Variants in TRIM72 observed in about 807,000 individuals in gnomAD.
The protein encoded by TRIM72 is tripartite motif containing 72.
Under a neutral mutation model 31.6 loss-of-function variants are expected in TRIM72, and 33 were observed. The observed-to-expected ratio is 1.04, with a 90% CI of 0.79 to 1.40. The LOEUF (loss-of-function observed/expected upper bound fraction) is 1.40. Ranked by LOEUF, TRIM72 falls within the 40% of genes most tolerant of loss-of-function variation. The probability of loss-of-function intolerance (pLI) is 0.00; values close to 1 mark genes in which losing one functional copy is unlikely to be tolerated. For missense variants in TRIM72, 666 were observed against 682.7 expected (o/e 0.98, Z 0.27); for synonymous variants, 301 against 314.4 (o/e 0.96, Z 0.45).
chr16:31,215,492 A>C lies in TRIM72; in HGVS notation c.390+364A>C, dbSNP rs374311179. Among the ~76,000 whole-genome samples, 117 of 152,302 alleles carry C rather than the reference A, an allele frequency of 7.7e-4. 1 individual carries two copies. Among genetic ancestry groups the C allele is most frequent in the African/African-American group, 2.5e-3 (106 of 41,578 alleles). ...ACCAGCCCCTGCGGCCCACGCTCGC[A>C]TTCCTGCACCCGGTGGGCCGTTCGG... On this transcript the variant is annotated intron_variant, in intron 2 of 6. Transcript: ENST00000322122. This position sits in a 1 kb window ranked among gnomAD's most constrained non-coding sequence, Gnocchi z 6.3.
chr16:31,224,059 C>G (rs2079544690), intron 6 of TRIM72, 122 bp from the exon 7 acceptor site: 2 of 1,185,118 alleles, frequency 1.7e-6, no homozygotes, highest in Admixed American at 2.5e-5. Context: ...ATCTTGTGGC[C>G]CAAGCCCAGT....
chr16:31,221,363 CTGGGAGAAGGGCATTA>C, intron 5 of TRIM72, among the ~76,000 whole-genome samples: 1 of 138,940 alleles, frequency 7.2e-6, no homozygotes, highest in East Asian at 2.2e-4. Flanking sequence ...AAGGGCATTG[CTGGGAGAAGGGCATTA>C]TGGGGAGAAG....
In TRIM72 at chr16:31,224,377, C is replaced by T. The variant is rs780447371; in HGVS notation, c.1056C>T (p.Gly352=). ...AGCACTACTGGGAGGTGGATGTTGGCGACAAGCCGCGCTGGGCGCTGGGCG... is the reference window on the plus strand; with the variant it reads ...AGCACTACTGGGAGGTGGATGTTGGTGACAAGCCGCGCTGGGCGCTGGGCG... ...EGEHYWEVDV[G]DKPRWALGVI... Residue 352 remains glycine, a synonymous_variant, in exon 7 of 7, where the codon GGC becomes GGT. Coordinates refer to ENST00000322122, the MANE Select transcript of TRIM72 (RefSeq NM_001008274.4). 1.3e-6 allele frequency: 2 copies of T among 1,492,946 alleles called. No homozygotes were observed. Among genetic ancestry groups the T allele is most frequent in the Non-Finnish European group, 1.8e-6 (2 of 1,130,496 alleles). The allele number at this position is 1,492,946 out of a possible 1,614,324, so 92.5% of individuals were successfully genotyped here.
rs2079546973 is a variant in TRIM72, at chr16:31,224,431, G to A, written c.1110G>A (p.Gly370=). 2 of 1,423,362 alleles carry A rather than the reference G, an allele frequency of 1.4e-6. No individual in the cohort carries two copies. Among genetic ancestry groups the A allele is most frequent in the Non-Finnish European group, 9.1e-7 (1 of 1,101,260 alleles). 88.2% of individuals were successfully genotyped at this position (1,423,362 alleles called of 1,614,324 possible). Residue 370 remains glycine, a synonymous_variant, in exon 7 of 7, where the codon GGG becomes GGA. Coordinates refer to ENST00000322122, the MANE Select transcript of TRIM72 (RefSeq NM_001008274.4). Reference sequence around the variant, plus strand: ...TCGCGGCCGAGGCCCCCCGCCGCGGGCGCCTGCACGCGGTGCCCTCGCAGG... The same window carrying A: ...TCGCGGCCGAGGCCCCCCGCCGCGGACGCCTGCACGCGGTGCCCTCGCAGG... ...GVIAAEAPRR[G]RLHAVPSQGL...
chr16:31,216,477 C>A lies in TRIM72; in HGVS notation c.390+1349C>A. On this transcript the variant is annotated intron_variant, in intron 2 of 6. Transcript: ENST00000322122. This position sits in a 1 kb window ranked among gnomAD's most constrained non-coding sequence, Gnocchi z 6.7. ...AAAAACCCAACCTCGCCCAACCTTG[C>A]CCGTCTTTATCTGCGAAGAAAGCAC... 1 of 406,844 alleles carries A rather than the reference C, an allele frequency of 2.5e-6. No homozygotes were observed. 25.2% of individuals were successfully genotyped at this position (406,844 alleles called of 1,614,324 possible).
rs2079556784 is a variant in TRIM72, at chr16:31,226,911, GA to G, written c.*2157del. ...CAGCCCATTGCGGAGGTTTTCTCGG[GA>G]GATGGTGGGTATGGGACTAAGGGTG... On this transcript the variant is annotated 3_prime_UTR_variant, in exon 7 of 7. Coordinates refer to ENST00000322122, the MANE Select transcript of TRIM72 (RefSeq NM_001008274.4). The G allele has an allele frequency of 3.9e-5, 6 of 152,370 alleles. No homozygotes were observed. Among genetic ancestry groups the G allele is most frequent in the Admixed American group, 3.9e-4 (6 of 15,276 alleles). The allele number at this position is 152,370 out of a possible 1,614,324, so 9.4% of individuals were successfully genotyped here. A position where few individuals can be genotyped will look rare whatever the true frequency, so the allele number is the denominator to read the frequency against.
rs1349441134 is a variant in TRIM72, at chr16:31,224,783, G to A, written c.*28G>A. 1 of 1,434,646 alleles carries A rather than the reference G, an allele frequency of 7.0e-7. No individual in the cohort carries two copies. 88.9% of individuals were successfully genotyped at this position (1,434,646 alleles called of 1,614,324 possible). A position where few individuals can be genotyped will look rare whatever the true frequency, so the allele number is the denominator to read the frequency against. On this transcript the variant is annotated 3_prime_UTR_variant, in exon 7 of 7. Coordinates refer to ENST00000322122, the MANE Select transcript of TRIM72 (RefSeq NM_001008274.4). ...CGCCGGACGGGTAGTGGAGGGGCGC[G>A]GGGGCCTGGGTTGAAGCTTAGGTCT...
Position 31,224,381 on chromosome 16 carries a change from A to G in TRIM72, c.1060A>G (p.Lys354Glu). The G allele has an allele frequency of 1.3e-6, 2 of 1,491,628 alleles. No homozygotes were observed. The highest frequency in any genetic ancestry group is 1.8e-6 in the Non-Finnish European group (2 of 1,129,954). 92.4% of individuals were successfully genotyped at this position (1,491,628 alleles called of 1,614,324 possible). A position where few individuals can be genotyped will look rare whatever the true frequency, so the allele number is the denominator to read the frequency against. Residue 354 changes from lysine to glutamate, a missense_variant, in exon 7 of 7, where the codon AAG becomes GAG. Lys to Glu is a moderately conservative substitution (Grantham distance 56, BLOSUM62 1). Coordinates refer to ENST00000322122, the MANE Select transcript of TRIM72 (RefSeq NM_001008274.4). ...EHYWEVDVGD[K>E]PRWALGVIAA... is the part of the protein sequence containing the mutation. ...CTACTGGGAGGTGGATGTTGGCGACAAGCCGCGCTGGGCGCTGGGCGTGAT... is the reference window on the plus strand; with the variant it reads ...CTACTGGGAGGTGGATGTTGGCGACGAGCCGCGCTGGGCGCTGGGCGTGAT...
rs958791410 is a variant in TRIM72, at chr16:31,215,181, C to G, written c.390+53C>G. 9.2e-6 allele frequency: 13 copies of G among 1,408,634 alleles called. No homozygotes were observed. The highest frequency in any genetic ancestry group is 1.2e-5 in the Non-Finnish European group (13 of 1,089,020). 87.3% of individuals were successfully genotyped at this position (1,408,634 alleles called of 1,614,324 possible). On this transcript the variant is annotated intron_variant, in intron 2 of 6. Coordinates refer to ENST00000322122, the MANE Select transcript of TRIM72 (RefSeq NM_001008274.4). The surrounding 1 kb of genome is among the most constrained non-coding windows in gnomAD (Gnocchi z 6.3). The stretch of plus-strand genomic sequence containing the variant: ...GAGGGGCTGTTCGGTGGCACGGGGC[C>G]GATGGGGAGGTCGCTGCAGTGATTT...
chr16:31,224,700 AG>A lies in TRIM72; in HGVS notation c.1382del (p.Gly461AlafsTer23). 1 of 1,538,304 alleles carries A rather than the reference AG, an allele frequency of 6.5e-7. No individual in the cohort carries two copies. Among genetic ancestry groups the A allele is most frequent in the Non-Finnish European group, 8.7e-7 (1 of 1,149,034 alleles). ...YPFFDVCWHD[K>X]GKNAQPLLLV... is the part of the protein sequence containing the mutation. ...TTCTTCGACGTGTGCTGGCACGACA[AG>A]GGCAAGAATGCCCAGCCGCTGCTGC... is the stretch of plus-strand genomic sequence containing the variant. On this transcript the variant is annotated frameshift_variant, in exon 7 of 7. Coordinates refer to ENST00000322122, the MANE Select transcript of TRIM72 (RefSeq NM_001008274.4). LOFTEE classifies it high-confidence loss of function.
chr16:31,217,117 A>T (rs2079513941), intron 2 of TRIM72: 15 of 1,385,922 alleles, frequency 1.1e-5, no homozygotes, highest in Non-Finnish European at 1.4e-5. Flanking sequence ...GCCCCCGGGG[A>T]TGTCCCGGGA....
chr16:31,215,226 A>T lies in TRIM72; in HGVS notation c.390+98A>T. On this transcript the variant is annotated intron_variant, in intron 2 of 6. Transcript: ENST00000322122. This position sits in a 1 kb window ranked among gnomAD's most constrained non-coding sequence, Gnocchi z 6.3. ...TGATTTGGATTCTGAGTCTCTAGAG[A>T]GGCTCACGAGCTCCTGGAGTTGCGG... The T allele has an allele frequency of 4.2e-6, 5 of 1,204,466 alleles. No homozygotes were observed. Among genetic ancestry groups the T allele is most frequent in the Admixed American group, 3.7e-5 (1 of 27,058 alleles). The allele number at this position is 1,204,466 out of a possible 1,614,324, so 74.6% of individuals were successfully genotyped here.
In TRIM72 at chr16:31,215,235, A is replaced by T; in HGVS notation, c.390+107A>T. On this transcript the variant is annotated intron_variant, in intron 2 of 6. Coordinates refer to ENST00000322122, the MANE Select transcript of TRIM72 (RefSeq NM_001008274.4). This position sits in a 1 kb window ranked among gnomAD's most constrained non-coding sequence, Gnocchi z 6.3. ...TTCTGAGTCTCTAGAGAGGCTCACG[A>T]GCTCCTGGAGTTGCGGGGGGCGGGG... The T allele has an allele frequency of 1.2e-5, 13 of 1,046,390 alleles. No homozygotes were observed. The highest frequency in any genetic ancestry group is 1.6e-5 in the Non-Finnish European group (13 of 798,124). The allele number at this position is 1,046,390 out of a possible 1,614,324, so 64.8% of individuals were successfully genotyped here.
Position 31,222,392 on chromosome 16 carries a change from C to CAA in TRIM72, c.741-420_741-419dup, listed in dbSNP as rs374169631. 3.2e-4 allele frequency among the ~76,000 whole-genome samples: 19 copies of CAA among 58,536 alleles called. No individual in the cohort carries two copies. In the East Asian group the frequency reaches 8.5e-3, roughly 26 times the overall value. 38.4% of individuals were successfully genotyped at this position (58,536 alleles called of 152,430 possible). On this transcript the variant is annotated intron_variant, in intron 5 of 6. Coordinates refer to ENST00000322122, the MANE Select transcript of TRIM72 (RefSeq NM_001008274.4). The stretch of plus-strand genomic sequence containing the variant: ...TGGGTGATAGAGCCAGACTCAATCT[C>CAA]AAAAAAAAAAAAAAAAGACCAAAAC...
chr16:31,220,456 G>GTTTTTTTTTTTTTTTTT (rs71151452), intron 4 of TRIM72, among the ~76,000 whole-genome samples: 2 of 29,560 alleles, frequency 6.8e-5, no homozygotes, highest in African/African-American at 1.5e-4. Context: ...TCTCTTTTGC[G>GTTTTTTTTTTTTTTTTT]TTTTTTTTTT....
chr16:31,228,294 C>T lies in TRIM72; in HGVS notation c.*3539C>T, dbSNP rs979223598. The T allele has an allele frequency of 6.6e-6, 1 of 152,230 alleles. No homozygotes were observed. The highest frequency in any genetic ancestry group is 2.4e-5 in the African/African-American group (1 of 41,442). 9.4% of individuals were successfully genotyped at this position (152,230 alleles called of 1,614,324 possible). On this transcript the variant is annotated 3_prime_UTR_variant, in exon 7 of 7. Transcript: ENST00000322122. ...AAAAGTTCTCTGTTTTAATATCTAA[C>T]AGGGCAAATATTGAAAGATAAAACC...
At position 31,219,066 on chromosome 16, in the gene TRIM72, C is replaced by A; in HGVS notation, c.391-29C>A. ...TGTGGGTTTTGGGTGGGTGGCATCC[C>A]CATCACTTCTCCATGCCTCGACCCC... On this transcript the variant is annotated intron_variant, in intron 2 of 6. Transcript: ENST00000322122. This position sits in a 1 kb window ranked among gnomAD's most constrained non-coding sequence, Gnocchi z 4.2. 1 of 1,549,140 alleles carries A rather than the reference C, an allele frequency of 6.5e-7. No homozygotes were observed. The highest frequency in any genetic ancestry group is 1.2e-5 in the South Asian group (1 of 83,820).
Position 31,214,760 on chromosome 16 carries a change from C to T in TRIM72, c.22C>T (p.Leu8=), listed in dbSNP as rs1325437883. The T allele has an allele frequency of 6.3e-7, 1 of 1,576,950 alleles. No homozygotes were observed. The highest frequency in any genetic ancestry group is 1.1e-5 in the South Asian group (1 of 89,080). MSAAPGL[L]HQELSCPLCL... is the part of the protein sequence containing the mutation. ...CGCCATGTCGGCTGCGCCCGGCCTC[C>T]TGCACCAGGAGCTGTCCTGCCCGCT... Residue 8 remains leucine, a synonymous_variant, in exon 2 of 7, where the codon CTG becomes TTG. Transcript: ENST00000322122.
intron 2 of TRIM72, among the ~76,000 whole-genome samples, chr16:31,217,771 C>T (rs576604868): frequency 1.1e-4 from 16 of 152,214 alleles, no homozygotes; most frequent in Non-Finnish European, 1.9e-4. Flanking sequence ...CTTGCCACAG[C>T]GCCCAGGTAA....
Sources: allele counts gnomAD v4.1 joint callset (sites outside exome capture counted in the v4.1 genomes callset), GRCh38; gene constraint gnomAD v4.1.1; non-coding constraint Gnocchi (gnomAD v3.1); transcripts MANE v1.5; gene names NCBI Gene and HGNC (gene_info 2026-07-23, HGNC 2026-07-21).